Variants in BDKRB2 observed in about 807,000 individuals in gnomAD.
BDKRB2 encodes the protein B2 bradykinin receptor.
BDKRB2 carries 6 observed loss-of-function variants against 4.0 expected under a neutral mutation model. The observed-to-expected ratio is 1.49, with a 90% CI of 0.81 to 2.93. The LOEUF is 2.93. Ranked by LOEUF, BDKRB2 falls within the 30% of genes most tolerant of loss-of-function variation. BDKRB2 has a pLI of 0.00. For synonymous variants in BDKRB2, 225 were observed against 215.3 expected, an observed-to-expected ratio of 1.05 and a Z score of -0.40; for missense variants, 478 against 520.1, an observed-to-expected ratio of 0.92 and a Z score of 0.79.
intron 1 of BDKRB2, among the ~76,000 whole-genome samples, chr14:96,216,695 AGGAGGAG>A: frequency 8.7e-6 from 1 of 114,678 alleles, no homozygotes; most frequent in Admixed American, 9.2e-5. Flanking sequence ...AGGAGGAGGA[AGGAGGAG>A]GAAGGAGGAG....
chr14:96,238,796 C>G (rs1885181201), intron 2 of BDKRB2: 1 of 985,862 alleles, frequency 1.0e-6, no homozygotes, highest in Admixed American at 6.1e-5. Context: ...AGCCCCCTCT[C>G]CAAGTCTGTG....
chr14:96,226,271 G>T (rs11848502), intron 1 of BDKRB2, among the ~76,000 whole-genome samples: 12,768 of 152,196 alleles, frequency 0.084, 749 homozygotes, highest in East Asian at 0.28. Flanking sequence ...TCGGCCTGGG[G>T]TATGAGGTCT....
At chr14:96,220,928 G>A (rs781032770) in intron 1 of BDKRB2, among the ~76,000 whole-genome samples, 1 of 151,992 alleles carries the variant, frequency 6.6e-6, no homozygotes, top group African/African-American at 2.4e-5. Flanking sequence ...CCCCAACTTG[G>A]GCACACTTCC....
chr14:96,205,361 G>A (rs959457035), intron 1 of BDKRB2, among the ~76,000 whole-genome samples: 1 of 152,016 alleles, frequency 6.6e-6, no homozygotes, highest in Non-Finnish European at 1.5e-5. Context: ...CCACAGCTGT[G>A]CCACTCCTTG....
chr14:96,241,824 G>A lies in BDKRB2; in HGVS notation c.*320G>A. 1 of 245,640 alleles carries A rather than the reference G, an allele frequency of 4.1e-6. No homozygotes were observed. The allele number at this position is 245,640 out of a possible 1,614,324, so 15.2% of individuals were successfully genotyped here. On this transcript the variant is annotated 3_prime_UTR_variant, in exon 3 of 3. Transcript: ENST00000554311. ...TGGGGGCAGGGAGAGGAGTGACTGAGCTTCCCTCCCGTGTGTTCTCCGTCC... is the reference window on the plus strand; with the variant it reads ...TGGGGGCAGGGAGAGGAGTGACTGAACTTCCCTCCCGTGTGTTCTCCGTCC...
chr14:96,205,760 A>T (rs934792664), intron 1 of BDKRB2, among the ~76,000 whole-genome samples: 5 of 152,228 alleles, frequency 3.3e-5, no homozygotes, highest in African/African-American at 9.6e-5. Flanking sequence ...TTATGCAAAG[A>T]TAGAGGTAGG....
At chr14:96,232,040 C>T (rs886507428) in intron 1 of BDKRB2, among the ~76,000 whole-genome samples, 1 of 152,196 alleles carries the variant, frequency 6.6e-6, no homozygotes, top group Non-Finnish European at 1.5e-5. Flanking sequence ...GACTGGAAAC[C>T]TCAGCTGGCC....
rs1273472378 is a variant in BDKRB2 at position 96,242,795 on chromosome 14, A to C, written c.*1291A>C. The C allele has an allele frequency of 6.6e-6, 1 of 152,400 alleles. No homozygotes were observed. Among genetic ancestry groups the C allele is most frequent in the Non-Finnish European group, 1.5e-5 (1 of 68,194 alleles). The allele number at this position is 152,400 out of a possible 1,614,324, so 9.4% of individuals were successfully genotyped here. A position where few individuals can be genotyped will look rare whatever the true frequency, so the allele number is the denominator to read the frequency against. ...GGGGAGAGTGCAGGCCTGCTCAGGG[A>C]CTGTTCCTGTCTCAGCAACCAAGGG... On this transcript the variant is annotated 3_prime_UTR_variant, in exon 3 of 3. Transcript: ENST00000554311.
chr14:96,222,295 G>T (rs539023470), intron 1 of BDKRB2, among the ~76,000 whole-genome samples: 32 of 152,222 alleles, frequency 2.1e-4, no homozygotes, highest in South Asian at 1.2e-3. Flanking sequence ...CAACTCGGAA[G>T]CTCTCCCAAT....
intron 1 of BDKRB2, among the ~76,000 whole-genome samples, chr14:96,205,626 A>C (rs1159821912): frequency 6.6e-6 from 1 of 152,166 alleles, no homozygotes. Flanking sequence ...AGGGGTTCCA[A>C]GCACCGGCTT....
At chr14:96,213,703 G>C (rs1890355348) in intron 1 of BDKRB2, among the ~76,000 whole-genome samples, 1 of 152,164 alleles carries the variant, frequency 6.6e-6, no homozygotes, top group South Asian at 2.1e-4. Flanking sequence ...GGAGAGAAAG[G>C]GTAGGGGAGA....
intron 1 of BDKRB2, among the ~76,000 whole-genome samples, chr14:96,216,144 G>A (rs927072730): frequency 1.2e-4 from 19 of 152,294 alleles, no homozygotes; most frequent in African/African-American, 4.3e-4. Flanking sequence ...TCTCAGCTCA[G>A]GAAGTAGGAA....
intron 1 of BDKRB2, among the ~76,000 whole-genome samples, chr14:96,235,888 C>T (rs1169446849): frequency 6.6e-6 from 1 of 152,188 alleles, no homozygotes; most frequent in Non-Finnish European, 1.5e-5. Context: ...CCTTCCTAGA[C>T]AGGGGTCACT....
In BDKRB2 at chr14:96,226,348, A is replaced by G. The variant is rs192751534; in HGVS notation, c.-39-10721A>G. On this transcript the variant is annotated intron_variant, in intron 1 of 2. Transcript: ENST00000554311. Reference sequence around the variant, plus strand: ...TCCACCTGCAATGGAGCACTGTAGGACGATTTTAAAAAGCAAAGTGGCAGG... The same window carrying G: ...TCCACCTGCAATGGAGCACTGTAGGGCGATTTTAAAAAGCAAAGTGGCAGG... Among the ~76,000 whole-genome samples the G allele has an allele frequency of 2.0e-3, 308 of 152,316 alleles. 1 individual carries two copies. Among genetic ancestry groups the G allele is most frequent in the African/African-American group, 7.1e-3 (297 of 41,560 alleles).
chr14:96,220,718 C>G (rs1277302817), intron 1 of BDKRB2, among the ~76,000 whole-genome samples: 1 of 151,564 alleles, frequency 6.6e-6, no homozygotes, highest in African/African-American at 2.4e-5. Context: ...GGTGCCTCAG[C>G]CCCCTCGCTT....
At chr14:96,228,178 G>A (rs1376533692) in intron 1 of BDKRB2, among the ~76,000 whole-genome samples, 1 of 152,344 alleles carries the variant, frequency 6.6e-6, no homozygotes, top group Admixed American at 6.5e-5. Context: ...TGTGTGAGGG[G>A]AAGCATGCAA....
chr14:96,237,898 C>T, intron 2 of BDKRB2: 2 of 1,275,834 alleles, frequency 1.6e-6, no homozygotes, highest in South Asian at 1.3e-5. Flanking sequence ...TAATAAGCAG[C>T]ATCTGGTGCT....
rs1011461881 is a variant in BDKRB2, at chr14:96,220,146, G to C, written c.-40+15187G>C. 1.7e-4 allele frequency among the ~76,000 whole-genome samples: 26 copies of C among 152,008 alleles called. 1 individual carries two copies. The highest frequency in any genetic ancestry group is 6.3e-4 in the African/African-American group (26 of 41,306). ...TGTCAGCCCAGGGAAGCGCACCCTTGTCCAGAAGTCCCCAAGGGCATAGGG... is the reference window on the plus strand; with the variant it reads ...TGTCAGCCCAGGGAAGCGCACCCTTCTCCAGAAGTCCCCAAGGGCATAGGG... On this transcript the variant is annotated intron_variant, in intron 1 of 2. Coordinates refer to ENST00000554311, the MANE Select transcript of BDKRB2 (RefSeq NM_001379692.1).
chr14:96,236,180 T>C (rs867250772), intron 1 of BDKRB2, among the ~76,000 whole-genome samples: 1 of 152,140 alleles, frequency 6.6e-6, no homozygotes, highest in African/African-American at 2.4e-5. Context: ...GCACCTTGTA[T>C]TGGTAACCAG....
Sources: allele counts gnomAD v4.1 joint callset (sites outside exome capture counted in the v4.1 genomes callset), GRCh38; gene constraint gnomAD v4.1.1; transcripts MANE v1.5; gene names NCBI Gene and HGNC (gene_info 2026-07-23, HGNC 2026-07-21).